ARSB: variants seen among roughly 807,000 people sequenced by gnomAD.
The protein encoded by ARSB is arylsulfatase B.
A neutral mutation model predicts 50.9 loss-of-function variants in ARSB; 41 were observed. That is an observed-to-expected ratio of 0.81 (90% CI 0.63 to 1.04). The LOEUF is 1.04. ARSB is among the 50% of genes least tolerant of loss of function. ARSB has a pLI of 0.00. For missense variants in ARSB, 672 were observed against 693.3 expected (o/e 0.97, Z 0.35); for synonymous variants, 269 against 284.8 (o/e 0.94, Z 0.56).
chr5:78,880,943 G>A (rs996550569), intron 5 of ARSB, among the ~76,000 whole-genome samples: 13 of 152,110 alleles, frequency 8.5e-5, no homozygotes, highest in African/African-American at 2.9e-4. Context: ...AACAATTTAA[G>A]AATTATGGCT....
chr5:78,866,234 G>A (rs1196794678), intron 5 of ARSB, among the ~76,000 whole-genome samples: 2 of 152,220 alleles, frequency 1.3e-5, no homozygotes, highest in Non-Finnish European at 2.9e-5. Flanking sequence ...CACAGTCATG[G>A]TGGAAGGCAA....
At chr5:78,900,019 G>A (rs909088483) in intron 4 of ARSB, among the ~76,000 whole-genome samples, 2 of 152,072 alleles carry the variant, frequency 1.3e-5, no homozygotes, top group African/African-American at 4.8e-5. Context: ...TCTAGGTGGC[G>A]CTATAAGCCC....
intron 4 of ARSB, among the ~76,000 whole-genome samples, chr5:78,906,241 G>C (rs1005611382): frequency 1.3e-5 from 2 of 152,036 alleles, no homozygotes; most frequent in African/African-American, 4.8e-5. Flanking sequence ...GCTAAGGCAG[G>C]AGGATCACTT....
intron 4 of ARSB, among the ~76,000 whole-genome samples, chr5:78,941,366 T>G (rs1419819686): frequency 1.3e-5 from 2 of 151,844 alleles, no homozygotes; most frequent in Non-Finnish European, 2.9e-5. Context: ...TTGTGCCAGT[T>G]TTCAAAGGGA....
chr5:78,980,171 T>C (rs913075254), intron 1 of ARSB, among the ~76,000 whole-genome samples: 1 of 152,214 alleles, frequency 6.6e-6, no homozygotes, highest in African/African-American at 2.4e-5. Context: ...TACACAACCT[T>C]GTGAATGTAC....
At chr5:78,961,647 C>A (rs551521403) in intron 3 of ARSB, among the ~76,000 whole-genome samples, 1 of 152,044 alleles carries the variant, frequency 6.6e-6, no homozygotes, top group African/African-American at 2.4e-5. Flanking sequence ...GTTATGGAAC[C>A]CTGTGAGGGA....
At chr5:78,920,432 T>C (rs1355087211) in intron 4 of ARSB, among the ~76,000 whole-genome samples, 1 of 152,118 alleles carries the variant, frequency 6.6e-6, no homozygotes, top group African/African-American at 2.4e-5. Flanking sequence ...AAGTCATTTA[T>C]CTGGAATAAG....
At chr5:78,932,270 G>A (rs1429647107) in intron 4 of ARSB, among the ~76,000 whole-genome samples, 1 of 152,206 alleles carries the variant, frequency 6.6e-6, no homozygotes, top group Non-Finnish European at 1.5e-5. Context: ...CCATGTGACT[G>A]AGGCAGCCTA....
intron 5 of ARSB, among the ~76,000 whole-genome samples, chr5:78,845,834 T>C (rs974877751): frequency 6.6e-6 from 1 of 152,128 alleles, no homozygotes; most frequent in Non-Finnish European, 1.5e-5. Flanking sequence ...ATGCAGGCTG[T>C]CTATTTGCTC....
intron 6 of ARSB, among the ~76,000 whole-genome samples, chr5:78,820,497 G>C (rs1020937351): frequency 5.3e-5 from 8 of 151,938 alleles, no homozygotes; most frequent in African/African-American, 1.9e-4. Context: ...GGAGGTAGAG[G>C]TTGCAGTGAG....
chr5:78,822,436 G>C (rs1424976805), intron 6 of ARSB, among the ~76,000 whole-genome samples: 1 of 152,060 alleles, frequency 6.6e-6, no homozygotes, highest in Non-Finnish European at 1.5e-5. Flanking sequence ...TGGTTGGGAG[G>C]TTTAGGCCCA....
At chr5:78,783,950 T>C (rs1009847260) in intron 6 of ARSB, among the ~76,000 whole-genome samples, 1 of 152,176 alleles carries the variant, frequency 6.6e-6, no homozygotes, top group Non-Finnish European at 1.5e-5. Flanking sequence ...TAACACCCTA[T>C]GAGCCATCAC....
intron 5 of ARSB, among the ~76,000 whole-genome samples, chr5:78,869,502 A>T (rs1203999737): frequency 7.1e-6 from 1 of 139,888 alleles, no homozygotes; most frequent in African/African-American, 2.7e-5. Context: ...ACTCAGGATT[A>T]AGAATCTCAC....
Position 78,788,582 on chromosome 5 carries a change from C to G in ARSB, c.1214-6608G>C, listed in dbSNP as rs867998108. ...CTGCTAAATATGTTGTACTTCTCTA[C>G]ATTTTTTTAATTTATTTTTTTATTT... On this transcript the variant is annotated intron_variant, in intron 6 of 7. Transcript: ENST00000264914. 3.3e-5 allele frequency among the ~76,000 whole-genome samples: 5 copies of G among 152,290 alleles called. No homozygotes were observed. In the South Asian group the frequency reaches 8.3e-4, roughly 25 times the overall value.
chr5:78,908,908 T>A (rs879663477), intron 4 of ARSB, among the ~76,000 whole-genome samples: 4 of 152,154 alleles, frequency 2.6e-5, no homozygotes. Context: ...CTGGTGCAAC[T>A]TGACAGAGGT....
intron 5 of ARSB, among the ~76,000 whole-genome samples, chr5:78,867,175 G>A (rs1746807621): frequency 6.6e-6 from 1 of 152,042 alleles, no homozygotes; most frequent in Non-Finnish European, 1.5e-5. Flanking sequence ...CTACACCCAC[G>A]GAATCTCGCT....
At chr5:78,867,523 C>T (rs1461259631) in intron 5 of ARSB, among the ~76,000 whole-genome samples, 2 of 152,166 alleles carry the variant, frequency 1.3e-5, no homozygotes, top group Non-Finnish European at 1.5e-5. Context: ...GACCCCCGAG[C>T]AGCCTAACTG....
At chr5:78,824,561 G>A (rs1384296299) in intron 6 of ARSB, among the ~76,000 whole-genome samples, 2 of 152,182 alleles carry the variant, frequency 1.3e-5, no homozygotes, top group African/African-American at 4.8e-5. Context: ...ACTGCTTTAA[G>A]TGTAGGGTAA....
chr5:78,895,884 A>G (rs948614055), intron 4 of ARSB, among the ~76,000 whole-genome samples: 3 of 152,246 alleles, frequency 2.0e-5, no homozygotes, highest in Non-Finnish European at 2.9e-5. Flanking sequence ...GCTAAAGGAC[A>G]TGGCTGTGAC....
Sources: allele counts gnomAD v4.1 joint callset (sites outside exome capture counted in the v4.1 genomes callset), GRCh38; gene constraint gnomAD v4.1.1; transcripts MANE v1.5; gene names NCBI Gene and HGNC (gene_info 2026-07-23, HGNC 2026-07-21).